Variants in UBE2L3 observed in about 807,000 individuals in gnomAD.
UBE2L3 encodes ubiquitin conjugating enzyme E2 L3, also known as ubiquitin-conjugating enzyme E2 L3.
Under a neutral mutation model 17.8 loss-of-function variants are expected in UBE2L3, and 1 was observed. The ratio of observed to expected loss-of-function variants is 0.06; its 90% CI spans 0.02 to 0.27. The LOEUF (loss-of-function observed/expected upper bound fraction) is 0.27, where lower values mean the gene tolerates loss of function less well. Ranked by LOEUF, UBE2L3 falls within the 10% of genes least tolerant of loss-of-function variation. UBE2L3 has a pLI of 1.00. For synonymous variants in UBE2L3, 44 were observed against 68.5 expected, an observed-to-expected ratio of 0.64 and a Z score of 1.76; for missense variants, 40 against 192.6, an observed-to-expected ratio of 0.21 and a Z score of 4.69.
At chr22:21,563,993 T>A (rs1003821907), upstream of UBE2L3, among the ~76,000 whole-genome samples, 3 of 151,780 alleles carry the variant, frequency 2.0e-5, no homozygotes, top group African/African-American at 7.3e-5. Flanking sequence ...GGTGTGAGAC[T>A]GTACGCAGCC....
At chr22:21,562,364 TTTTC>T (rs1388800359) in intron 1 of UBE2L3, among the ~76,000 whole-genome samples, 1 of 144,350 alleles carries the variant, frequency 6.9e-6, no homozygotes, top group Non-Finnish European at 1.5e-5. Context: ...CCGGCTAATT[TTTTC>T]TTTTTTTCTT....
At chr22:21,597,191 G>C (rs2148426885) in intron 2 of UBE2L3, among the ~76,000 whole-genome samples, 1 of 152,222 alleles carries the variant, frequency 6.6e-6, no homozygotes. Context: ...TGTTGGCCAG[G>C]CTGGTCTCGA....
At chr22:21,610,745 C>T (rs565336166) in intron 2 of UBE2L3, 112 bp from the exon 3 acceptor site, 4 of 1,227,942 alleles carry the variant, frequency 3.3e-6, no homozygotes, top group Admixed American at 3.4e-5. Flanking sequence ...TCAGTTGATA[C>T]TTGAATCCCT....
In UBE2L3 at chr22:21,607,639, G is replaced by A. The variant is rs911800714; in HGVS notation, c.124-3218G>A. On this transcript the variant is annotated intron_variant, in intron 2 of 3. Transcript: ENST00000342192. Reference sequence around the variant, plus strand: ...GGTGAGGGAAAAGGGAGTACAATGGGAAGGGCTTCCCCAGCTCTGGAGATA... The same window carrying A: ...GGTGAGGGAAAAGGGAGTACAATGGAAAGGGCTTCCCCAGCTCTGGAGATA... Among the ~76,000 whole-genome samples the A allele has an allele frequency of 2.6e-5, 4 of 152,280 alleles. No homozygotes were observed. The East Asian group carries it at 7.7e-4, about 29-fold the overall frequency.
intron 1 of UBE2L3, among the ~76,000 whole-genome samples, chr22:21,556,771 A>C (rs1210590953): frequency 6.6e-6 from 1 of 152,268 alleles, no homozygotes; most frequent in Non-Finnish European, 1.5e-5. Flanking sequence ...CAATAAAAAA[A>C]TTAATAGGCT....
intron 1 of UBE2L3, among the ~76,000 whole-genome samples, chr22:21,582,188 T>C (rs556216024): frequency 9.2e-5 from 14 of 151,804 alleles, no homozygotes; most frequent in Non-Finnish European, 1.8e-4. Context: ...TCGGTGCTTA[T>C]AGACTTGTAG....
intron 2 of UBE2L3, among the ~76,000 whole-genome samples, chr22:21,594,292 G>T (rs966212663): frequency 6.6e-6 from 1 of 152,030 alleles, no homozygotes; most frequent in African/African-American, 2.4e-5. Flanking sequence ...CCTGATGCTG[G>T]TTATAAGGTC....
At chr22:21,582,335 TGTG>T (rs1568975166) in intron 1 of UBE2L3, among the ~76,000 whole-genome samples, 1 of 151,028 alleles carries the variant, frequency 6.6e-6, no homozygotes, top group African/African-American at 2.4e-5. Flanking sequence ...GTGGTATGAA[TGTG>T]GTGGGTTTTT....
intron 1 of UBE2L3, among the ~76,000 whole-genome samples, chr22:21,573,331 C>T (rs1286808623): frequency 5.9e-5 from 9 of 152,022 alleles, no homozygotes; most frequent in Admixed American, 5.9e-4. Flanking sequence ...CCGTTGAGTC[C>T]CCTAAAAACA....
intron 3 of UBE2L3, chr22:21,614,712 C>T (rs903664848): frequency 1.7e-5 from 20 of 1,202,574 alleles, no homozygotes; most frequent in Non-Finnish European, 2.1e-5. Context: ...GCTCATATGA[C>T]CCAGCAATTC....
intron 1 of UBE2L3, among the ~76,000 whole-genome samples, chr22:21,579,616 A>T (rs532192386): frequency 6.6e-6 from 1 of 152,100 alleles, no homozygotes; most frequent in Non-Finnish European, 1.5e-5. Flanking sequence ...GCAAAAAATA[A>T]AATGATTAAC....
At chr22:21,614,620 A>G in intron 3 of UBE2L3, 1 of 1,367,408 alleles carries the variant, frequency 7.3e-7, no homozygotes, top group South Asian at 1.1e-5. Context: ...TGACCTCCTC[A>G]ATTCACAACC....
At chr22:21,592,181 A>C (rs768487751) in intron 1 of UBE2L3, among the ~76,000 whole-genome samples, 19 of 152,136 alleles carry the variant, frequency 1.2e-4, no homozygotes, top group African/African-American at 4.3e-4. Flanking sequence ...TGTTGCCCAC[A>C]ACATGGCTTC....
intron 1 of UBE2L3, among the ~76,000 whole-genome samples, chr22:21,572,310 C>T (rs905761189): frequency 6.7e-6 from 1 of 150,322 alleles, no homozygotes; most frequent in Non-Finnish European, 1.5e-5. Flanking sequence ...TGGTGGGTGC[C>T]TGTAATCCCA....
chr22:21,560,866 G>C (rs376292498), intron 1 of UBE2L3, among the ~76,000 whole-genome samples: 3 of 152,266 alleles, frequency 2.0e-5, no homozygotes, highest in African/African-American at 4.8e-5. Flanking sequence ...ATAGCTCTAG[G>C]TCAGAGGACA....
chr22:21,579,948 G>C (rs950397184), intron 1 of UBE2L3, among the ~76,000 whole-genome samples: 5 of 152,204 alleles, frequency 3.3e-5, no homozygotes, highest in African/African-American at 1.2e-4. Flanking sequence ...CATCTGCCAG[G>C]TTTTGTTTTG....
At chr22:21,570,833 A>G (rs1001533428) in intron 1 of UBE2L3, among the ~76,000 whole-genome samples, 3 of 152,342 alleles carry the variant, frequency 2.0e-5, no homozygotes, top group Non-Finnish European at 4.4e-5. Flanking sequence ...ACAGTGCCTT[A>G]GGCATAGCAA....
chr22:21,569,466 A>C (rs1926840299), intron 1 of UBE2L3, among the ~76,000 whole-genome samples: 1 of 151,696 alleles, frequency 6.6e-6, no homozygotes, highest in South Asian at 2.1e-4. Context: ...ATTACTCTGA[A>C]TCTATATCCT....
intron 1 of UBE2L3, among the ~76,000 whole-genome samples, chr22:21,590,079 C>G (rs1928174800): frequency 6.6e-6 from 1 of 152,170 alleles, no homozygotes; most frequent in South Asian, 2.1e-4. Context: ...TGCTTCCTCT[C>G]CTTTTTCTTG....
Sources: allele counts gnomAD v4.1 joint callset (sites outside exome capture counted in the v4.1 genomes callset), GRCh38; gene constraint gnomAD v4.1.1; transcripts MANE v1.5; gene names NCBI Gene and HGNC (gene_info 2026-07-23, HGNC 2026-07-21).